Variants in BRCA2 observed in about 807,000 individuals in gnomAD.
The protein encoded by BRCA2 is BRCA2 DNA repair associated.
A neutral mutation model predicts 276.7 loss-of-function variants in BRCA2; 203 were observed. That is an observed-to-expected ratio of 0.73 (90% CI 0.65 to 0.82). The LOEUF is 0.82. BRCA2 is among the 40% of genes least tolerant of loss of function. BRCA2 has a pLI of 0.00. For synonymous variants in BRCA2, 1,289 were observed against 1,338.4 expected, an observed-to-expected ratio of 0.96 and a Z score of 0.81; for missense variants, 3,920 against 3,915.0, an observed-to-expected ratio of 1.00 and a Z score of -0.03.
rs946380047 is a variant in BRCA2, at chr13:32,398,200, T to C, written c.9687T>C (p.Pro3229=). The C allele has an allele frequency of 6.2e-7, 1 of 1,612,444 alleles. No homozygotes were observed. Among genetic ancestry groups the C allele is most frequent in the East Asian group, 2.2e-5 (1 of 44,890 alleles). ...ATTGTGAGATATATTATCAAAGTCC[T>C]TTATCACTTTGTATGGCCAAAAGGA... ...SPNCEIYYQS[P]LSLCMAKRKS... The change falls in exon 27 of 27, where the codon CCT becomes CCC. Residue 3229 remains proline, a synonymous_variant. Coordinates refer to ENST00000380152, the MANE Select transcript of BRCA2 (RefSeq NM_000059.4).
In BRCA2 at chr13:32,332,376, G is replaced by T. The variant is rs878853616; in HGVS notation, c.898G>T (p.Val300Leu). The change falls in exon 10 of 27, where the codon GTA becomes TTA. Residue 300 changes from valine to leucine, a missense_variant. Val to Leu is a conservative substitution (Grantham distance 32, BLOSUM62 1). Coordinates refer to ENST00000380152, the MANE Select transcript of BRCA2 (RefSeq NM_000059.4). ...VLEDEVYETV[V>L]DTSEEDSFSL... ...AGAAGATGAAGTATATGAAACAGTT[G>T]TAGATACCTCTGAAGAAGATAGTTT... 1 of 1,594,932 alleles carries T rather than the reference G, an allele frequency of 6.3e-7. No individual in the cohort carries two copies. Among genetic ancestry groups the T allele is most frequent in the Non-Finnish European group, 8.5e-7 (1 of 1,170,196 alleles).
At chr13:32,393,739 A>G (rs995712753) in intron 24 of BRCA2, among the ~76,000 whole-genome samples, 2 of 152,202 alleles carry the variant, frequency 1.3e-5, no homozygotes, top group African/African-American at 4.8e-5. Flanking sequence ...AGGCCCTCTC[A>G]GCAGACAGAG....
At chr13:32,392,251 A>G (rs2073001962) in intron 24 of BRCA2, among the ~76,000 whole-genome samples, 1 of 152,250 alleles carries the variant, frequency 6.6e-6, no homozygotes, top group South Asian at 2.1e-4. Flanking sequence ...CATAATTCTC[A>G]GAGTAACAAA....
intron 3 of BRCA2, among the ~76,000 whole-genome samples, chr13:32,323,730 G>A (rs912644629): frequency 6.6e-6 from 1 of 152,168 alleles, no homozygotes; most frequent in African/African-American, 2.4e-5. Flanking sequence ...CAAAAGCTAA[G>A]TTAGAGATTA....
chr13:32,379,928 T>C lies in BRCA2; in HGVS notation c.9117+15T>C, dbSNP rs1566253419. 6.2e-7 allele frequency: 1 copy of C among 1,613,140 alleles called. No individual in the cohort carries two copies. Among genetic ancestry groups the C allele is most frequent in the South Asian group, 1.1e-5 (1 of 91,022 alleles). ...AACAACTACCGGTACAAACCTTTCA[T>C]TGTAATTTTTCAGTTTTGATAAGTG... On this transcript the variant is annotated intron_variant, in intron 23 of 26. Transcript: ENST00000380152.
At position 32,341,184 on chromosome 13, in the gene BRCA2, C is replaced by G. The variant is rs786202214; in HGVS notation, c.6829C>G (p.Leu2277Val). The change falls in exon 11 of 27, where the codon CTT (leucine) becomes GTT (valine). Residue 2277 changes from leucine (L) to valine (V), a missense_variant. Transcript: ENST00000380152. Reference sequence around the variant, plus strand: ...AATTGGAAAAAGAAGAGGAGAGCCCCTTATCTTAGTGGGTAAGTGTTCATT... The same window carrying G: ...AATTGGAAAAAGAAGAGGAGAGCCCGTTATCTTAGTGGGTAAGTGTTCATT... ...SRIGKRRGEP[L>V]ILVGEPSIKR... The G allele has an allele frequency of 1.2e-6, 2 of 1,613,852 alleles. No homozygotes were observed. The highest frequency in any genetic ancestry group is 1.7e-6 in the Non-Finnish European group (2 of 1,179,914).
In BRCA2 at chr13:32,316,544, T is replaced by C. The variant is rs767648965; in HGVS notation, c.67+17T>C. The C allele has an allele frequency of 2.8e-5, 44 of 1,599,496 alleles. No individual in the cohort carries two copies. The Admixed American group carries it at 7.2e-4, about 26-fold the overall frequency. On this transcript the variant is annotated intron_variant, in intron 2 of 26. Transcript: ENST00000380152. ...ACAAAGCAGGTATTGACAAATTTTA[T>C]ATAACTTTATAAATTACACCGAGAA...
intron 6 of BRCA2, 29 bp downstream of exon 6, chr13:32,326,311 G>A (rs2137450888): frequency 6.2e-7 from 1 of 1,600,382 alleles, no homozygotes; most frequent in South Asian, 1.1e-5. Flanking sequence ...TTATTTTTAT[G>A]ACTTAGTAAT....
In BRCA2 at chr13:32,344,587, A is replaced by G. The variant is rs80358911; in HGVS notation, c.6871A>G (p.Asn2291Asp). ...GEPSIKRNLL[N>D]EFDRIIENQE... ...ACCCTCAATCAAAAGAAACTTATTAAATGAATTTGACAGGATAATAGAAAA... is the reference window on the plus strand; with the variant it reads ...ACCCTCAATCAAAAGAAACTTATTAGATGAATTTGACAGGATAATAGAAAA... Residue 2291 changes from asparagine to aspartate, a missense_variant, in exon 12 of 27, where the codon AAT becomes GAT. Coordinates refer to ENST00000380152, the MANE Select transcript of BRCA2 (RefSeq NM_000059.4). The G allele has an allele frequency of 1.9e-6, 3 of 1,571,516 alleles. No individual in the cohort carries two copies. Among genetic ancestry groups the G allele is most frequent in the Non-Finnish European group, 2.6e-6 (3 of 1,143,216 alleles).
In BRCA2 at chr13:32,341,064, G is replaced by A. The variant is rs1174104045; in HGVS notation, c.6709G>A (p.Asp2237Asn). 1 of 1,613,944 alleles carries A rather than the reference G, an allele frequency of 6.2e-7. No individual in the cohort carries two copies. Among genetic ancestry groups the A allele is most frequent in the Non-Finnish European group, 8.5e-7 (1 of 1,179,926 alleles). Residue 2237 changes from aspartate to asparagine, a missense_variant, in exon 11 of 27, where the codon GAT becomes AAT. Around this residue, in one of 2 missense-constraint regions of BRCA2, gnomAD observed 3,263 missense variants for 3,156.9 expected, o/e 1.03. Coordinates refer to ENST00000380152, the MANE Select transcript of BRCA2 (RefSeq NM_000059.4). ...AGAAATTGCTAAAGCTTTTATGGAA[G>A]ATGATGAACTGACAGATTCTAAACT... The part of the protein sequence containing the change: ...AVEIAKAFME[D>N]DELTDSKLPS...
chr13:32,355,829 G>C (rs1222462286), intron 14 of BRCA2, among the ~76,000 whole-genome samples: 1 of 151,802 alleles, frequency 6.6e-6, no homozygotes, highest in Non-Finnish European at 1.5e-5. Context: ...GCAGTGAGCC[G>C]AGATCGCGCC....
chr13:32,330,151 G>A (rs944385839), intron 8 of BRCA2, among the ~76,000 whole-genome samples: 2 of 152,104 alleles, frequency 1.3e-5, no homozygotes, highest in African/African-American at 4.8e-5. Flanking sequence ...TGAAGTTTTC[G>A]TTTAGGCTCT....
chr13:32,324,132 C>T (rs984039485), intron 3 of BRCA2, among the ~76,000 whole-genome samples: 13 of 152,162 alleles, frequency 8.5e-5, no homozygotes, highest in Admixed American at 7.9e-4. Context: ...AAAATCTCTA[C>T]CTCAGATTGC....
chr13:32,394,988 T>C lies in BRCA2; in HGVS notation c.9501+55T>C, dbSNP rs1431758536. Reference sequence around the variant, plus strand: ...TTTTGGTATTTTTCTATTTTGACAGTCCAGTATCAAGGAAATAGCTTTTAT... The same window carrying C: ...TTTTGGTATTTTTCTATTTTGACAGCCCAGTATCAAGGAAATAGCTTTTAT... On this transcript the variant is annotated intron_variant, in intron 25 of 26. Transcript: ENST00000380152. 5.5e-5 allele frequency: 88 copies of C among 1,605,954 alleles called. 2 individuals carry two copies. In the South Asian group the frequency reaches 9.3e-4, roughly 17 times the overall value.
At chr13:32,392,613 A>C (rs941485695) in intron 24 of BRCA2, among the ~76,000 whole-genome samples, 2 of 151,484 alleles carry the variant, frequency 1.3e-5, no homozygotes, top group African/African-American at 2.4e-5. Context: ...AAAAATTATA[A>C]CTCTTTATTT....
At chr13:32,372,158 T>G (rs924310925) in intron 20 of BRCA2, among the ~76,000 whole-genome samples, 4 of 152,270 alleles carry the variant, frequency 2.6e-5, no homozygotes, top group Non-Finnish European at 5.9e-5. Context: ...ATGGTAGAAC[T>G]GCTTTCATAA....
chr13:32,317,019 G>A (rs1261993306), intron 2 of BRCA2, among the ~76,000 whole-genome samples: 2 of 152,130 alleles, frequency 1.3e-5, no homozygotes, highest in Non-Finnish European at 2.9e-5. Flanking sequence ...CCAACATGGT[G>A]AAACCCTATC....
In BRCA2 at chr13:32,340,978, A is replaced by T. The variant is rs767110818; in HGVS notation, c.6623A>T (p.Asn2208Ile). 6.2e-7 allele frequency: 1 copy of T among 1,609,034 alleles called. No individual in the cohort carries two copies. Among genetic ancestry groups the T allele is most frequent in the Non-Finnish European group, 8.5e-7 (1 of 1,178,802 alleles). The stretch of plus-strand genomic sequence containing the variant: ...TTTTCTGATGTTCCTGTGAAAACAA[A>T]TATAGAAGTTTGTTCTACTTACTCC... ...ETFSDVPVKT[N>I]IEVCSTYSKD... The change falls in exon 11 of 27, where the codon AAT becomes ATT. Residue 2208 changes from asparagine (N) to isoleucine (I), a missense_variant. Physicochemically the swap from Asn to Ile is moderately radical, Grantham distance 149. Coordinates refer to ENST00000380152, the MANE Select transcript of BRCA2 (RefSeq NM_000059.4).
chr13:32,331,756 C>T (rs1323665401), intron 9 of BRCA2, among the ~76,000 whole-genome samples: 1 of 151,004 alleles, frequency 6.6e-6, no homozygotes, highest in African/African-American at 2.4e-5. Context: ...TTAGATATAC[C>T]ATAGTTTACC....
Sources: gnomAD v4.1 joint callset for allele counts (sites outside exome capture counted in the v4.1 genomes callset) on GRCh38, gnomAD v4.1.1 for gene constraint, gnomAD v4.1.1 regional missense constraint, MANE v1.5 for transcripts, NCBI Gene and HGNC (gene_info 2026-07-23, HGNC 2026-07-21) for gene names.